ENOX2: variants seen among roughly 807,000 people sequenced by gnomAD.
ENOX2 encodes APK1 antigen.
A neutral mutation model predicts 45.0 loss-of-function variants in ENOX2; 36 were observed. The observed-to-expected ratio is 0.80, with a 90% CI of 0.61 to 1.06. The LOEUF is 1.06. Among genes scored for constraint, ENOX2 ranks in the 50% least tolerant of loss-of-function variants. The pLI, the probability that ENOX2 is intolerant of heterozygous loss-of-function variation, is 0.00. For synonymous variants in ENOX2, 174 were observed against 152.3 expected (o/e 1.14, Z -1.05); for missense variants, 423 against 462.5 (o/e 0.91, Z 0.78).
intron 2 of ENOX2, among the ~76,000 whole-genome samples, chrX:130,813,275 C>G (rs986689903): frequency 1.8e-5 from 2 of 112,049 alleles, no homozygotes; most frequent in African/African-American, 6.5e-5. Flanking sequence ...CAAGAACACG[C>G]AAGGAGAAAG....
intron 3 of ENOX2, among the ~76,000 whole-genome samples, chrX:130,714,167 C>A (rs941950636): frequency 8.9e-6 from 1 of 111,881 alleles, no homozygotes; most frequent in African/African-American, 3.2e-5. Context: ...CGTTTTGCTG[C>A]AGTCCTTGTT....
intron 10 of ENOX2, among the ~76,000 whole-genome samples, chrX:130,647,744 C>A (rs865922419): frequency 9.1e-6 from 1 of 110,467 alleles, no homozygotes; most frequent in African/African-American, 3.3e-5. Flanking sequence ...GGTGCTAGTT[C>A]TATGGTCAGA....
At chrX:130,893,764 C>T (rs1212696575) in intron 2 of ENOX2, among the ~76,000 whole-genome samples, 1 of 111,889 alleles carries the variant, frequency 8.9e-6, no homozygotes, top group Admixed American at 9.5e-5. Context: ...CTGGATGTGA[C>T]GTTTAAGGAT....
At chrX:130,745,491 G>A (rs2148324168) in intron 3 of ENOX2, among the ~76,000 whole-genome samples, 1 of 112,118 alleles carries the variant, frequency 8.9e-6, no homozygotes, top group African/African-American at 3.2e-5. Flanking sequence ...ACATTTGGAG[G>A]ATCCTGGTTT....
At chrX:130,882,122 C>T (rs747106185) in intron 2 of ENOX2, among the ~76,000 whole-genome samples, 1 of 110,895 alleles carries the variant, frequency 9.0e-6, no homozygotes, top group South Asian at 3.9e-4. Flanking sequence ...GCTCTACGAT[C>T]GCTGGAGATA....
chrX:130,714,836 C>G (rs2038285994), intron 3 of ENOX2, among the ~76,000 whole-genome samples: 1 of 111,127 alleles, frequency 9.0e-6, no homozygotes, highest in African/African-American at 3.3e-5. Context: ...AGTTCCCCTG[C>G]TAGGACGGTG....
intron 2 of ENOX2, among the ~76,000 whole-genome samples, chrX:130,834,781 G>C (rs1305708997): frequency 9.0e-6 from 1 of 111,237 alleles, no homozygotes; most frequent in Non-Finnish European, 1.9e-5. Flanking sequence ...TGATTACTTG[G>C]TAGTCAAATA....
At chrX:130,644,195 C>T (rs902258729) in intron 10 of ENOX2, among the ~76,000 whole-genome samples, 3 of 112,245 alleles carry the variant, frequency 2.7e-5, no homozygotes, top group African/African-American at 6.5e-5. Flanking sequence ...GCAGTACTTA[C>T]GTGGGCAATT....
intron 3 of ENOX2, among the ~76,000 whole-genome samples, chrX:130,746,881 T>C (rs993041450): frequency 2.7e-5 from 3 of 112,423 alleles, no homozygotes; most frequent in African/African-American, 9.7e-5. Context: ...CTCTCCATCA[T>C]AACAGGACAG....
chrX:130,812,427 A>G (rs958787846), intron 2 of ENOX2, among the ~76,000 whole-genome samples: 1 of 112,123 alleles, frequency 8.9e-6, no homozygotes, highest in African/African-American at 3.2e-5. Context: ...AGAGTTAAAG[A>G]AAAAAGAAAC....
At chrX:130,679,374 A>G (rs767616956) in intron 6 of ENOX2, among the ~76,000 whole-genome samples, 168 bp downstream of exon 6, 6 of 111,744 alleles carry the variant, frequency 5.4e-5, no homozygotes, top group Non-Finnish European at 1.1e-4. Context: ...ACTGGGAGCT[A>G]CTGAAGAGCT....
chrX:130,703,224 G>T lies in ENOX2; in HGVS notation c.-8C>A. 2 of 1,203,099 alleles carry T rather than the reference G, an allele frequency of 1.7e-6. No homozygotes were observed. The highest frequency in any genetic ancestry group is 1.7e-5 in the African/African-American group (1 of 57,573). On this transcript the variant is annotated 5_prime_UTR_variant, in exon 4 of 15. Transcript: ENST00000394363. ...AGACATAGGTAGTGTCATTGCAGTG[G>T]AATCCACGTTCAGAGTTCTACTGTT...
intron 3 of ENOX2, among the ~76,000 whole-genome samples, chrX:130,735,559 G>A (rs1477703805): frequency 8.9e-6 from 1 of 112,175 alleles, no homozygotes; most frequent in East Asian, 2.8e-4. Context: ...CACCATAGAA[G>A]AGAGGAGGAC....
chrX:130,710,868 G>A (rs757538396), intron 3 of ENOX2, among the ~76,000 whole-genome samples: 1 of 111,863 alleles, frequency 8.9e-6, no homozygotes, highest in Admixed American at 9.5e-5. Flanking sequence ...CTTGTTGTGG[G>A]AAGTCCAGGT....
chrX:130,749,184 T>A (rs1603338924), intron 3 of ENOX2, among the ~76,000 whole-genome samples: 1 of 111,814 alleles, frequency 8.9e-6, no homozygotes, highest in African/African-American at 3.3e-5. Context: ...ACATTTAAAG[T>A]GAAATGCCTA....
intron 3 of ENOX2, among the ~76,000 whole-genome samples, chrX:130,740,053 A>G (rs1032420263): frequency 3.6e-5 from 4 of 112,159 alleles, no homozygotes; most frequent in Non-Finnish European, 7.5e-5. Context: ...AAGTGACCCT[A>G]TGCAAGTGTT....
chrX:130,738,425 C>T (rs2038908835), intron 3 of ENOX2, among the ~76,000 whole-genome samples: 2 of 112,082 alleles, frequency 1.8e-5, no homozygotes, highest in African/African-American at 6.5e-5. Context: ...GCACAGTGGA[C>T]AAGAAATATG....
intron 5 of ENOX2, among the ~76,000 whole-genome samples, chrX:130,682,583 C>CAAAAAA (rs55875735): frequency 0.018 from 262 of 14,653 alleles, 63 homozygotes; most frequent in African/African-American, 0.04. Flanking sequence ...GACTCCGTCT[C>CAAAAAA]AAAAAAAAAA....
intron 3 of ENOX2, among the ~76,000 whole-genome samples, chrX:130,739,650 G>A (rs766384007): frequency 8.0e-4 from 90 of 112,193 alleles, no homozygotes; most frequent in African/African-American, 2.8e-3. Flanking sequence ...ACCGAGGTGA[G>A]GAGAATAGGT....
Sources: gnomAD v4.1 joint callset for allele counts (sites outside exome capture counted in the v4.1 genomes callset) on GRCh38, gnomAD v4.1.1 for gene constraint, MANE v1.5 for transcripts, NCBI Gene and HGNC (gene_info 2026-07-23, HGNC 2026-07-21) for gene names.